The following SUSD1 variants were observed in gnomAD, a reference collection of about 807,000 sequenced individuals.
SUSD1 encodes the protein sushi domain-containing protein 1.
Under a neutral mutation model 86.9 loss-of-function variants are expected in SUSD1, and 65 were observed. The ratio of observed to expected loss-of-function variants is 0.75; its 90% CI spans 0.61 to 0.92. SUSD1 has a LOEUF of 0.92. Ranked by LOEUF, SUSD1 falls within the 40% of genes least tolerant of loss-of-function variation. The pLI is 0.00. For synonymous variants in SUSD1, 346 were observed against 350.0 expected (o/e 0.99, Z 0.13); for missense variants, 850 against 929.7 (o/e 0.91, Z 1.11).
At chr9:112,121,542 A>G (rs897129319) in intron 6 of SUSD1, among the ~76,000 whole-genome samples, 1 of 152,220 alleles carries the variant, frequency 6.6e-6, no homozygotes, top group African/African-American at 2.4e-5. Flanking sequence ...CTATTGAATG[A>G]ATGGACAGAT....
intron 5 of SUSD1, among the ~76,000 whole-genome samples, chr9:112,131,068 G>A (rs1832014946): frequency 6.6e-6 from 1 of 152,048 alleles, no homozygotes; most frequent in African/African-American, 2.4e-5. Flanking sequence ...AAGGTAGGTG[G>A]AAACTATATC....
chr9:112,145,794 G>A (rs1027754710), intron 3 of SUSD1, among the ~76,000 whole-genome samples: 1 of 152,126 alleles, frequency 6.6e-6, no homozygotes, highest in East Asian at 1.9e-4. Flanking sequence ...CACACAAGAA[G>A]TGCCACAGAG....
chr9:112,076,827 G>A (rs1053668962), intron 12 of SUSD1, among the ~76,000 whole-genome samples: 3 of 152,178 alleles, frequency 2.0e-5, no homozygotes, highest in African/African-American at 7.2e-5. Context: ...AAGGGAGAGG[G>A]GGTTTCAAGA....
At chr9:112,041,576 C>T (rs372955448) in intron 16 of SUSD1, 84 bp from the exon 17 acceptor site, 21 of 775,730 alleles carry the variant, frequency 2.7e-5, no homozygotes, top group East Asian at 9.7e-5. Flanking sequence ...ACAGCTCACA[C>T]GCACACCCAT....
Position 112,080,085 on chromosome 9 carries a change from C to G in SUSD1, c.1555G>C (p.Glu519Gln). Reference sequence around the variant, plus strand: ...TTTCAGTCACTTACTAAATACATCTCCTCCATATCAGCTGTCTTGATGCTT... The same window carrying G: ...TTTCAGTCACTTACTAAATACATCTGCTCCATATCAGCTGTCTTGATGCTT... ...WRSIKTADME[E>Q]MYLFHIWGQR... is the part of the protein sequence containing the mutation. The change falls in exon 11 of 17, where the codon GAG becomes CAG. Residue 519 changes from glutamate (E) to glutamine (Q), a missense_variant. Coordinates refer to ENST00000374270, the MANE Select transcript of SUSD1 (RefSeq NM_022486.5). 6.2e-7 allele frequency: 1 copy of G among 1,611,310 alleles called. No homozygotes were observed. Among genetic ancestry groups the G allele is most frequent in the Non-Finnish European group, 8.5e-7 (1 of 1,177,984 alleles).
chr9:112,084,708 G>C (rs1247067119), intron 10 of SUSD1, among the ~76,000 whole-genome samples: 1 of 152,138 alleles, frequency 6.6e-6, no homozygotes, highest in African/African-American at 2.4e-5. Context: ...AGTGCTCTCA[G>C]ATCCTTTGCT....
intron 1 of SUSD1, among the ~76,000 whole-genome samples, chr9:112,167,933 A>C (rs1393054704): frequency 6.6e-6 from 1 of 152,196 alleles, no homozygotes; most frequent in Non-Finnish European, 1.5e-5. Flanking sequence ...GGGACAAGTG[A>C]AAGGAGAAAC....
chr9:112,058,779 C>T, intron 13 of SUSD1, 93 bp from the exon 14 acceptor site: 2 of 1,494,814 alleles, frequency 1.3e-6, no homozygotes, highest in Non-Finnish European at 9.0e-7. Context: ...TGAGACAAAC[C>T]TCTTTCTTTG....
intron 7 of SUSD1, 26 bp downstream of exon 7, chr9:112,112,745 A>C (rs1406463110): frequency 6.6e-7 from 1 of 1,508,996 alleles, no homozygotes; most frequent in Non-Finnish European, 9.2e-7. Flanking sequence ...CTGTCCTAGC[A>C]GGAAAAAGTA....
intron 8 of SUSD1, among the ~76,000 whole-genome samples, chr9:112,107,412 G>A (rs936495304): frequency 5.3e-5 from 8 of 152,122 alleles, no homozygotes; most frequent in African/African-American, 1.9e-4. Flanking sequence ...TCACGCCACT[G>A]CACTCCAGCC....
Position 112,089,756 on chromosome 9 carries a change from G to C in SUSD1, c.1474+8714C>G, listed in dbSNP as rs544750993. ...GAACCCGGGAGGCGGAAGTTGCAGC[G>C]AGCTGAGATCGCGCCACTGCACTCC... On this transcript the variant is annotated intron_variant, in intron 10 of 16. Coordinates refer to ENST00000374270, the MANE Select transcript of SUSD1 (RefSeq NM_022486.5). 2.0e-5 allele frequency among the ~76,000 whole-genome samples: 3 copies of C among 148,058 alleles called. No individual in the cohort carries two copies. In the East Asian group the frequency reaches 5.9e-4, roughly 29 times the overall value.
chr9:112,056,466 T>A (rs10981239), intron 14 of SUSD1, among the ~76,000 whole-genome samples: 12,050 of 152,298 alleles, frequency 0.079, 813 homozygotes, highest in East Asian at 0.29. Flanking sequence ...ATATTGTATA[T>A]GTTTTATCAC....
At chr9:112,118,835 A>G (rs1029735485) in intron 6 of SUSD1, among the ~76,000 whole-genome samples, 1 of 152,238 alleles carries the variant, frequency 6.6e-6, no homozygotes, top group Admixed American at 6.5e-5. Context: ...TGTATATCAG[A>G]AAAATACACC....
At chr9:112,155,186 G>A (rs1271656019) in intron 2 of SUSD1, among the ~76,000 whole-genome samples, 3 of 151,920 alleles carry the variant, frequency 2.0e-5, no homozygotes, top group Admixed American at 6.6e-5. Flanking sequence ...AGGAGGCAGA[G>A]GTTGCAGTAA....
intron 15 of SUSD1, among the ~76,000 whole-genome samples, chr9:112,050,157 G>A (rs1357076722): frequency 6.6e-6 from 1 of 152,088 alleles, no homozygotes; most frequent in Non-Finnish European, 1.5e-5. Flanking sequence ...TTCAGGGGAT[G>A]GACTGGCAAA....
intron 1 of SUSD1, among the ~76,000 whole-genome samples, chr9:112,165,853 A>AGAAG (rs140281162): frequency 0.023 from 3,379 of 144,422 alleles, 186 homozygotes; most frequent in African/African-American, 0.084. Context: ...AAAGAGAAAG[A>AGAAG]GAAGGAAGGA....
intron 8 of SUSD1, among the ~76,000 whole-genome samples, chr9:112,110,087 G>A (rs1169106154): frequency 2.0e-5 from 3 of 152,030 alleles, no homozygotes; most frequent in African/African-American, 7.3e-5. Context: ...GGTGGTTCAC[G>A]CCTATAATCC....
chr9:112,099,009 A>T (rs1031335369), intron 9 of SUSD1, among the ~76,000 whole-genome samples: 1 of 138,204 alleles, frequency 7.2e-6, no homozygotes, highest in East Asian at 2.3e-4. Flanking sequence ...CCTTCTGAAT[A>T]CTTCGTTCTC....
intron 8 of SUSD1, among the ~76,000 whole-genome samples, chr9:112,103,507 C>A (rs140595805): frequency 6.6e-6 from 1 of 152,176 alleles, no homozygotes; most frequent in African/African-American, 2.4e-5. Flanking sequence ...ACAGGCAGAA[C>A]AGAAGCAGAA....
Sources: allele counts gnomAD v4.1 joint callset (sites outside exome capture counted in the v4.1 genomes callset), GRCh38; gene constraint gnomAD v4.1.1; transcripts MANE v1.5; gene names NCBI Gene and HGNC (gene_info 2026-07-23, HGNC 2026-07-21).